Variants in CHD9 observed in about 807,000 individuals in gnomAD.
CHD9 encodes ATP-dependent chromatin remodeler CHD9.
CHD9 carries 77 observed loss-of-function variants against 316.1 expected under a neutral mutation model. That is an observed-to-expected ratio of 0.24 (90% confidence interval 0.20 to 0.29). The LOEUF (loss-of-function observed/expected upper bound fraction) is 0.29, where lower values mean the gene tolerates loss of function less well. Ranked by LOEUF, CHD9 falls within the 10% of genes least tolerant of loss-of-function variation. The probability of loss-of-function intolerance (pLI) is 1.00; values close to 1 mark genes in which losing one functional copy is unlikely to be tolerated. For synonymous variants in CHD9, 1,129 were observed against 1,158.3 expected, an observed-to-expected ratio of 0.97 and a Z score of 0.51; for missense variants, 2,763 against 3,438.1, an observed-to-expected ratio of 0.80 and a Z score of 4.91.
intron 5 of CHD9, 62 bp from the exon 6 acceptor site, chr16:53,227,334 A>C (rs1174174831): frequency 2.0e-6 from 2 of 1,017,784 alleles, no homozygotes; most frequent in African/African-American, 3.2e-5. Context: ...CAACATACAA[A>C]GTGGCAACTA....
chr16:53,234,825 C>T (rs200362670), intron 10 of CHD9, among the ~76,000 whole-genome samples: 3 of 149,732 alleles, frequency 2.0e-5, no homozygotes, highest in Non-Finnish European at 4.5e-5. Context: ...AAAAAAAAAA[C>T]AAAACCTACT....
rs776070328 is a variant in CHD9 at position 53,157,075 on chromosome 16, A to G, written c.986A>G (p.Asn329Ser). 9 of 1,613,072 alleles carry G rather than the reference A, an allele frequency of 5.6e-6. No homozygotes were observed. Among genetic ancestry groups the G allele is most frequent in the South Asian group, 3.3e-5 (3 of 91,056 alleles). The change falls in exon 2 of 39, where the codon AAT becomes AGT. Residue 329 changes from asparagine to serine, a missense_variant. Asn to Ser is a conservative substitution (Grantham distance 46). This residue lies in a region of CHD9 where 859 missense variants were observed against 890.4 expected (regional missense o/e 0.96). Coordinates refer to ENST00000447540, the MANE Select transcript of CHD9 (RefSeq NM_001308319.2). ...QESTQHILNP[N>S]TSLNSNNFQI... ...TCTACTCAGCATATCCTAAACCCCA[A>G]TACATCATTGAATTCAAATAATTTC... is the stretch of plus-strand genomic sequence containing the variant.
rs569153091 is a variant in CHD9, at chr16:53,286,409, A to G, written c.5189+66A>G. The G allele has an allele frequency of 4.4e-4, 362 of 817,896 alleles. 2 individuals carry two copies. The highest frequency in any genetic ancestry group is 3.2e-3 in the African/African-American group (186 of 58,868). The allele number at this position is 817,896 out of a possible 1,614,324, so 50.7% of individuals were successfully genotyped here. A position where few individuals can be genotyped will look rare whatever the true frequency, so the allele number is the denominator to read the frequency against. ...CTTCTATTCAATATCAGCATATTCT[A>G]TGTCACACTATTTATCTTTAAATGA... On this transcript the variant is annotated intron_variant, in intron 26 of 38. Transcript: ENST00000447540.
At chr16:53,095,133 C>T (rs1235406673) in intron 1 of CHD9, among the ~76,000 whole-genome samples, 1 of 152,200 alleles carries the variant, frequency 6.6e-6, no homozygotes, top group African/African-American at 2.4e-5. Flanking sequence ...ATTACTTTGC[C>T]TTCCCCACCC....
chr16:53,184,005 C>T (rs957861534), intron 2 of CHD9, among the ~76,000 whole-genome samples: 10 of 150,874 alleles, frequency 6.6e-5, no homozygotes, highest in African/African-American at 1.7e-4. Flanking sequence ...AGTGCAGTGG[C>T]GTGATCTCGG....
At chr16:53,310,936 C>T (rs2153094791) in intron 34 of CHD9, 1 of 151,068 alleles carries the variant, frequency 6.6e-6, no homozygotes, top group East Asian at 1.9e-4. Context: ...CCCGTAATCC[C>T]AGGACTTGAG....
At chr16:53,093,457 G>A (rs886803101) in intron 1 of CHD9, among the ~76,000 whole-genome samples, 1 of 152,114 alleles carries the variant, frequency 6.6e-6, no homozygotes, top group Non-Finnish European at 1.5e-5. Context: ...ACTCTAATCT[G>A]TCATAACCCA....
chr16:53,245,236 CAG>C lies in CHD9; in HGVS notation c.3055-98_3055-97del. 1.2e-6 allele frequency: 1 copy of C among 833,814 alleles called. No individual in the cohort carries two copies. Among genetic ancestry groups the C allele is most frequent in the Non-Finnish European group, 1.8e-6 (1 of 563,314 alleles). 51.7% of individuals were successfully genotyped at this position (833,814 alleles called of 1,614,324 possible). Reference sequence around the variant, plus strand: ...TAACATATATATATGTATATATAGTCAGAAAAATATTTGCATATTGATCATTC... The same window carrying C: ...TAACATATATATATGTATATATAGTCAAAAATATTTGCATATTGATCATTC... On this transcript the variant is annotated intron_variant, in intron 13 of 38. Coordinates refer to ENST00000447540, the MANE Select transcript of CHD9 (RefSeq NM_001308319.2). The surrounding 1 kb of genome is among the most constrained non-coding windows in gnomAD (Gnocchi z 4.1).
chr16:53,131,506 A>T (rs1022758470), intron 1 of CHD9, among the ~76,000 whole-genome samples: 3 of 149,492 alleles, frequency 2.0e-5, no homozygotes, highest in African/African-American at 4.9e-5. Flanking sequence ...CGCGCCTGTC[A>T]TGGCTGCGGG....
At position 53,249,922 on chromosome 16, in the gene CHD9, T is replaced by G; in HGVS notation, c.3717T>G (p.Ala1239=). Residue 1239 remains alanine (A), a synonymous_variant, in exon 17 of 39, where the codon GCT becomes GCG. Transcript: ENST00000447540. ...GAGTCAGAGGAAATCTTCGGCAAGC[T>G]GCTATAGATAGATTTAGTAAACCTG... ...DGRVRGNLRQ[A]AIDRFSKPDS... 2 of 1,613,824 alleles carry G rather than the reference T, an allele frequency of 1.2e-6. No homozygotes were observed. The highest frequency in any genetic ancestry group is 1.7e-6 in the Non-Finnish European group (2 of 1,179,788).
At chr16:53,236,625 A>G (rs1469617461) in intron 11 of CHD9, among the ~76,000 whole-genome samples, 2 of 64,476 alleles carry the variant, frequency 3.1e-5, no homozygotes, top group Non-Finnish European at 6.5e-5. Flanking sequence ...CCCCCCCACC[A>G]CCACCACCAC....
At chr16:53,160,184 G>A (rs556837248) in intron 2 of CHD9, among the ~76,000 whole-genome samples, 1 of 152,262 alleles carries the variant, frequency 6.6e-6, no homozygotes, top group South Asian at 2.1e-4. Flanking sequence ...TTTGTCCAGT[G>A]TATACTTGAA....
At chr16:53,280,835 G>A (rs555730224) in intron 24 of CHD9, among the ~76,000 whole-genome samples, 3 of 151,924 alleles carry the variant, frequency 2.0e-5, no homozygotes, top group African/African-American at 4.8e-5. Flanking sequence ...TTTCTTCTTC[G>A]GGGTCTCACT....
At chr16:53,144,147 A>G (rs1304898194) in intron 1 of CHD9, among the ~76,000 whole-genome samples, 1 of 152,180 alleles carries the variant, frequency 6.6e-6, no homozygotes, top group African/African-American at 2.4e-5. Flanking sequence ...AATCAGGATG[A>G]AGCTTTCTTC....
chr16:53,107,513 T>TGAAATGAA (rs2037464824), intron 1 of CHD9, among the ~76,000 whole-genome samples: 43 of 143,172 alleles, frequency 3.0e-4, no homozygotes, highest in African/African-American at 1.0e-3. Flanking sequence ...TAAAATAAAA[T>TGAAATGAA]ATAAAATAAA....
intron 1 of CHD9, among the ~76,000 whole-genome samples, chr16:53,082,737 T>C (rs2035142240): frequency 6.6e-6 from 1 of 152,226 alleles, no homozygotes; most frequent in African/African-American, 2.4e-5. Flanking sequence ...CTTCAGATCT[T>C]TGCCCATGCA....
intron 16 of CHD9, among the ~76,000 whole-genome samples, chr16:53,248,659 G>A (rs886645308): frequency 2.0e-5 from 3 of 150,964 alleles, no homozygotes; most frequent in African/African-American, 7.3e-5. Context: ...CCAGGAAGCT[G>A]GGACTACAAG....
chr16:53,184,813 C>T (rs1414901538), intron 2 of CHD9, among the ~76,000 whole-genome samples: 1 of 152,118 alleles, frequency 6.6e-6, no homozygotes, highest in African/African-American at 2.4e-5. Context: ...TTCCACCATC[C>T]TGTTCTGGTG....
chr16:53,321,499 A>C (rs761055081), intron 37 of CHD9, 27 bp from the exon 38 acceptor site: 1 of 1,516,210 alleles, frequency 6.6e-7, no homozygotes, highest in Non-Finnish European at 8.9e-7. Context: ...ACAGTGTTGT[A>C]GTATTTAATC....
Sources: gnomAD v4.1 joint callset for allele counts (sites outside exome capture counted in the v4.1 genomes callset) on GRCh38, gnomAD v4.1.1 for gene constraint, gnomAD v4.1.1 regional missense constraint, Gnocchi (gnomAD v3.1) non-coding constraint, MANE v1.5 for transcripts, NCBI Gene and HGNC (gene_info 2026-07-23, HGNC 2026-07-21) for gene names.